ARHGAP26: variants seen among roughly 807,000 people sequenced by gnomAD.
ARHGAP26 encodes the protein Rho GTPase activating protein 26.
ARHGAP26 carries 38 observed loss-of-function variants against 104.8 expected under a neutral mutation model. The ratio of observed to expected loss-of-function variants is 0.36; its 90% CI spans 0.28 to 0.48. The LOEUF (loss-of-function observed/expected upper bound fraction) is 0.48, where lower values mean the gene tolerates loss of function less well. Ranked by LOEUF, ARHGAP26 falls within the 20% of genes least tolerant of loss-of-function variation. The probability of loss-of-function intolerance (pLI) is 0.99; values close to 1 mark genes in which losing one functional copy is unlikely to be tolerated. For synonymous variants in ARHGAP26, 341 were observed against 340.0 expected (o/e 1.00, Z -0.03); for missense variants, 704 against 947.9 (o/e 0.74, Z 3.38).
chr5:143,119,238 G>A (rs114539), intron 17 of ARHGAP26, among the ~76,000 whole-genome samples: 118,167 of 152,108 alleles, frequency 0.78, 48,787 homozygotes, highest in Non-Finnish European at 0.91. Flanking sequence ...CATCCAAACC[G>A]TGTATTTTTA....
intron 17 of ARHGAP26, among the ~76,000 whole-genome samples, chr5:143,075,100 G>C (rs80306750): frequency 6.6e-6 from 1 of 152,192 alleles, no homozygotes; most frequent in Non-Finnish European, 1.5e-5. Context: ...CATGTTTTCT[G>C]TGCTGGTTAC....
intron 20 of ARHGAP26, among the ~76,000 whole-genome samples, chr5:143,197,574 AC>A (rs1807064986): frequency 6.6e-6 from 1 of 152,154 alleles, no homozygotes; most frequent in Non-Finnish European, 1.5e-5. Context: ...TGTTTTACTC[AC>A]CAGTAAGAAA....
chr5:143,005,086 T>TA (rs571624113), intron 11 of ARHGAP26, among the ~76,000 whole-genome samples: 2 of 149,646 alleles, frequency 1.3e-5, no homozygotes, highest in African/African-American at 2.4e-5. Flanking sequence ...GTCATGCACT[T>TA]AAAAAAAAAA....
chr5:142,920,611 T>C (rs1195205203), intron 10 of ARHGAP26, among the ~76,000 whole-genome samples: 1 of 152,206 alleles, frequency 6.6e-6, no homozygotes, highest in Non-Finnish European at 1.5e-5. Context: ...TGTCCATACA[T>C]TTGAAAATGC....
At chr5:143,150,080 A>G (rs1648155896) in intron 20 of ARHGAP26, among the ~76,000 whole-genome samples, 1 of 152,192 alleles carries the variant, frequency 6.6e-6, no homozygotes, top group African/African-American at 2.4e-5. Flanking sequence ...AAAATTAGAG[A>G]GGCCATCATT....
intron 11 of ARHGAP26, among the ~76,000 whole-genome samples, chr5:142,983,420 G>A (rs1598480180): frequency 6.6e-6 from 1 of 152,174 alleles, no homozygotes; most frequent in East Asian, 1.9e-4. Context: ...TGGCCAGGCT[G>A]GTCTTGAACT....
intron 20 of ARHGAP26, chr5:143,147,631 C>G: frequency 2.3e-6 from 1 of 444,030 alleles, no homozygotes; most frequent in East Asian, 3.6e-5. Flanking sequence ...GCTGAGATGG[C>G]TTTGGTGATA....
intron 12 of ARHGAP26, among the ~76,000 whole-genome samples, chr5:143,036,354 T>A (rs1562303502): frequency 6.6e-6 from 1 of 152,184 alleles, no homozygotes; most frequent in Non-Finnish European, 1.5e-5. Context: ...GTTAGAAGTT[T>A]CCAGCCTTGT....
At chr5:143,182,958 G>C (rs1196450493) in intron 20 of ARHGAP26, among the ~76,000 whole-genome samples, 1 of 151,966 alleles carries the variant, frequency 6.6e-6, no homozygotes, top group East Asian at 1.9e-4. Context: ...AAGTGCCCCA[G>C]CAGGCCCCGT....
At chr5:142,938,648 G>A (rs1765802854) in intron 11 of ARHGAP26, among the ~76,000 whole-genome samples, 1 of 152,194 alleles carries the variant, frequency 6.6e-6, no homozygotes, top group Admixed American at 6.5e-5. Flanking sequence ...CCAACTTGAA[G>A]TATTTAATAT....
chr5:142,893,775 A>T (rs1475698607), intron 5 of ARHGAP26, among the ~76,000 whole-genome samples: 1 of 152,170 alleles, frequency 6.6e-6, no homozygotes, highest in Non-Finnish European at 1.5e-5. Context: ...GATCATAGCC[A>T]TTGTAACTGG....
intron 11 of ARHGAP26, among the ~76,000 whole-genome samples, chr5:142,975,732 C>T (rs1282103259): frequency 6.6e-6 from 1 of 152,130 alleles, no homozygotes; most frequent in Non-Finnish European, 1.5e-5. Flanking sequence ...TACCCAGCGT[C>T]CCTGAGATTA....
In ARHGAP26 at chr5:142,890,151, AATATATATATATATATAT is replaced by A. The variant is rs752591382; in HGVS notation, c.487-4058_487-4041del. 8.2e-3 allele frequency among the ~76,000 whole-genome samples: 266 copies of A among 32,454 alleles called. 8 individuals carry two copies. The highest frequency in any genetic ancestry group is 8.5e-3 in the African/African-American group (72 of 8,480). The allele number at this position is 32,454 out of a possible 152,430, so 21.3% of individuals were successfully genotyped here. A position where few individuals can be genotyped will look rare whatever the true frequency, so the allele number is the denominator to read the frequency against. On this transcript the variant is annotated intron_variant, in intron 5 of 22. Transcript: ENST00000645722. ...AACTCCGTCTTAAAAAAAAAAAAAAAATATATATATATATATATATATATATATATATATATATATATA... is the reference window on the plus strand; with the variant it reads ...AACTCCGTCTTAAAAAAAAAAAAAAAATATATATATATATATATATATATA...
chr5:142,790,341 A>G (rs1759541494), intron 1 of ARHGAP26, among the ~76,000 whole-genome samples: 1 of 152,130 alleles, frequency 6.6e-6, no homozygotes, highest in African/African-American at 2.4e-5. Flanking sequence ...GCATCCCTTT[A>G]TTAAAGGAAA....
At chr5:143,059,986 T>C (rs1028853564) in intron 17 of ARHGAP26, among the ~76,000 whole-genome samples, 3 of 152,200 alleles carry the variant, frequency 2.0e-5, no homozygotes, top group Non-Finnish European at 4.4e-5. Context: ...AGAGTATTTA[T>C]TTAGGTCTGA....
intron 20 of ARHGAP26, among the ~76,000 whole-genome samples, chr5:143,167,976 T>A (rs1313090613): frequency 6.6e-6 from 1 of 152,192 alleles, no homozygotes; most frequent in Non-Finnish European, 1.5e-5. Flanking sequence ...CATAAAGTAC[T>A]TGTATTGAAT....
chr5:143,070,303 AG>A (rs1442142627), intron 17 of ARHGAP26, among the ~76,000 whole-genome samples: 1 of 152,216 alleles, frequency 6.6e-6, no homozygotes, highest in African/African-American at 2.4e-5. Context: ...CTGTCCTACA[AG>A]GTCATTCTCC....
intron 20 of ARHGAP26, among the ~76,000 whole-genome samples, chr5:143,189,689 C>T (rs1805643879): frequency 6.6e-6 from 1 of 152,072 alleles, no homozygotes. Context: ...ATATTACACA[C>T]ATTAGAAAAC....
intron 20 of ARHGAP26, among the ~76,000 whole-genome samples, chr5:143,155,873 T>C (rs1800414509): frequency 6.6e-6 from 1 of 152,256 alleles, no homozygotes; most frequent in South Asian, 2.1e-4. Context: ...ACACAGTACA[T>C]GCTTAAAGCT....
Sources: allele counts gnomAD v4.1 joint callset (sites outside exome capture counted in the v4.1 genomes callset), GRCh38; gene constraint gnomAD v4.1.1; transcripts MANE v1.5; gene names NCBI Gene and HGNC (gene_info 2026-07-23, HGNC 2026-07-21).